Variants in R3HDM2 observed in about 807,000 individuals in gnomAD.
The protein encoded by R3HDM2 is R3H domain-containing protein 2.
R3HDM2 carries 38 observed loss-of-function variants against 124.5 expected under a neutral mutation model. That is an observed-to-expected ratio of 0.31 (90% confidence interval 0.24 to 0.40). R3HDM2 has a LOEUF of 0.40. Among genes scored for constraint, R3HDM2 ranks in the 10% least tolerant of loss-of-function variants. The pLI, the probability that R3HDM2 is intolerant of heterozygous loss-of-function variation, is 1.00. For missense variants in R3HDM2, 869 were observed against 1,236.9 expected, an observed-to-expected ratio of 0.70 and a Z score of 4.46; for synonymous variants, 391 against 448.0, an observed-to-expected ratio of 0.87 and a Z score of 1.61.
chr12:57,296,302 G>A lies in R3HDM2; in HGVS notation c.701+109C>T. 1 of 1,287,230 alleles carries A rather than the reference G, an allele frequency of 7.8e-7. No homozygotes were observed. The highest frequency in any genetic ancestry group is 1.1e-6 in the Non-Finnish European group (1 of 927,222). 79.7% of individuals were successfully genotyped at this position (1,287,230 alleles called of 1,614,324 possible). ...CAAAGTGCTGGGATTACAGGTGTGA[G>A]CCACCACGCCTGGCCATCTGCAAGA... is the stretch of plus-strand genomic sequence containing the variant. On this transcript the variant is annotated intron_variant, in intron 9 of 23. Coordinates refer to ENST00000402412, the MANE Select transcript of R3HDM2 (RefSeq NM_001394031.1). This position sits in a 1 kb window ranked among gnomAD's most constrained non-coding sequence, Gnocchi z 4.5.
At chr12:57,300,049 C>A in intron 5 of R3HDM2, 46 bp downstream of exon 5, 1 of 1,419,160 alleles carries the variant, frequency 7.0e-7, no homozygotes, top group Non-Finnish European at 9.7e-7. Context: ...TCTTACCAAA[C>A]AACTGCCAAG....
intron 2 of R3HDM2, among the ~76,000 whole-genome samples, chr12:57,384,672 G>A (rs1006486346): frequency 6.6e-5 from 10 of 152,154 alleles, no homozygotes; most frequent in Admixed American, 5.2e-4. Flanking sequence ...AGAGAGGTTA[G>A]TAGAAACAGG....
Position 57,258,929 on chromosome 12 carries a change from C to T in R3HDM2, c.2262G>A (p.Gln754=). The change falls in exon 20 of 24, where the codon CAG becomes CAA. Residue 754 remains glutamine, a synonymous_variant. Transcript: ENST00000402412. ...CKYYSMDQRG[Q]KPGDLYSPDS... Reference sequence around the variant, plus strand: ...CAGGACTGTACAGGTCTCCAGGCTTCTGCCCCCGCTGGTCCATGCTGTAGT... The same window carrying T: ...CAGGACTGTACAGGTCTCCAGGCTTTTGCCCCCGCTGGTCCATGCTGTAGT... 2 of 1,611,278 alleles carry T rather than the reference C, an allele frequency of 1.2e-6. No homozygotes were observed. Among genetic ancestry groups the T allele is most frequent in the Middle Eastern group, 2.1e-4 (1 of 4,710 alleles).
At chr12:57,392,989 A>G (rs2138735451) in intron 2 of R3HDM2, among the ~76,000 whole-genome samples, 1 of 151,932 alleles carries the variant, frequency 6.6e-6, no homozygotes, top group East Asian at 1.9e-4. Flanking sequence ...TATTTTTAGT[A>G]GAGACAGGGT....
At chr12:57,277,657 A>G (rs1222535758) in intron 14 of R3HDM2, among the ~76,000 whole-genome samples, 2 of 152,194 alleles carry the variant, frequency 1.3e-5, no homozygotes, top group East Asian at 3.8e-4. Flanking sequence ...CAGGTTGGCC[A>G]GGCTGGTCTC....
chr12:57,417,770 T>C (rs1555318473), intron 1 of R3HDM2, among the ~76,000 whole-genome samples: 1 of 152,170 alleles, frequency 6.6e-6, no homozygotes, highest in Non-Finnish European at 1.5e-5. Context: ...TGATGGGAAA[T>C]GTAGCTTACC....
chr12:57,255,119 A>C lies in R3HDM2; in HGVS notation c.2633-6T>G. The C allele has an allele frequency of 6.4e-7, 1 of 1,569,300 alleles. No homozygotes were observed. The highest frequency in any genetic ancestry group is 8.6e-7 in the Non-Finnish European group (1 of 1,156,642). ...CTCCAGCACCCGCCCCAGGACTGGA[A>C]GGGGAGGAGAGAGGACATGGTTGTG... On this transcript the variant is annotated splice_polypyrimidine_tract_variant and splice_region_variant and intron_variant, in intron 23 of 23. Transcript: ENST00000402412.
chr12:57,430,883 G>T lies in R3HDM2; in HGVS notation c.-269C>A, dbSNP rs1385236334. On this transcript the variant is annotated 5_prime_UTR_variant, in exon 1 of 24. Transcript: ENST00000402412. ...GGGGCCGAGGGCTGGGAAGCAGGGG[G>T]GACTGGGACGGGGGAGGGGAAAGGG... 3 of 148,414 alleles carry T rather than the reference G, an allele frequency of 2.0e-5. No individual in the cohort carries two copies. Among genetic ancestry groups the T allele is most frequent in the African/African-American group, 7.4e-5 (3 of 40,682 alleles). 9.2% of individuals were successfully genotyped at this position (148,414 alleles called of 1,614,324 possible). A position where few individuals can be genotyped will look rare whatever the true frequency, so the allele number is the denominator to read the frequency against.
intron 2 of R3HDM2, among the ~76,000 whole-genome samples, chr12:57,331,445 A>G (rs1289385489): frequency 6.6e-6 from 1 of 152,132 alleles, no homozygotes; most frequent in Non-Finnish European, 1.5e-5. Context: ...AATTTATTTT[A>G]CTATTTATCT....
chr12:57,403,156 G>C (rs1566493953), intron 1 of R3HDM2, among the ~76,000 whole-genome samples: 1 of 152,060 alleles, frequency 6.6e-6, no homozygotes, highest in East Asian at 1.9e-4. Context: ...AGGAGTTCGA[G>C]ACCAGTCTGA....
intron 2 of R3HDM2, among the ~76,000 whole-genome samples, chr12:57,370,255 G>A (rs774447399): frequency 1.3e-5 from 2 of 152,060 alleles, no homozygotes; most frequent in African/African-American, 2.4e-5. Flanking sequence ...TTGCACTCGC[G>A]AAGACATACA....
At chr12:57,409,627 A>C (rs532399306) in intron 1 of R3HDM2, among the ~76,000 whole-genome samples, 9 of 152,232 alleles carry the variant, frequency 5.9e-5, no homozygotes, top group African/African-American at 2.2e-4. Flanking sequence ...TTGAAGACCA[A>C]TTAAGACCAC....
intron 1 of R3HDM2, among the ~76,000 whole-genome samples, chr12:57,412,231 C>T (rs890562837): frequency 3.3e-5 from 5 of 152,032 alleles, no homozygotes; most frequent in African/African-American, 1.2e-4. Context: ...CAGATGAATG[C>T]AAGAAGCAGG....
intron 19 of R3HDM2, 72 bp downstream of exon 19, chr12:57,266,659 T>C (rs2042506562): frequency 2.4e-6 from 3 of 1,257,014 alleles, no homozygotes; most frequent in South Asian, 2.5e-5. Flanking sequence ...CCTTCCCAGC[T>C]CTAGAGCACA....
At chr12:57,355,513 TCTCTTTCC>T (rs1420197791) in intron 2 of R3HDM2, among the ~76,000 whole-genome samples, 1 of 150,880 alleles carries the variant, frequency 6.6e-6, no homozygotes, top group Non-Finnish European at 1.5e-5. Flanking sequence ...TAAAAAGTCA[TCTCTTTCC>T]CATTGAAATG....
chr12:57,282,474 T>G (rs2046384000), intron 13 of R3HDM2, among the ~76,000 whole-genome samples: 1 of 152,066 alleles, frequency 6.6e-6, no homozygotes, highest in Non-Finnish European at 1.5e-5. Context: ...AGTTTAGATC[T>G]GTTTTAGATT....
chr12:57,427,412 C>T (rs1017715038), intron 1 of R3HDM2, among the ~76,000 whole-genome samples: 1 of 150,102 alleles, frequency 6.7e-6, no homozygotes, highest in Non-Finnish European at 1.5e-5. Flanking sequence ...TGCAGTGGCA[C>T]GATCTCAGCT....
chr12:57,270,141 T>C (rs567420587), intron 14 of R3HDM2, 147 bp from the exon 15 acceptor site: 3 of 965,086 alleles, frequency 3.1e-6, no homozygotes, highest in Admixed American at 2.4e-5. Flanking sequence ...GTGCTATGAA[T>C]TGAATAGCTG....
Position 57,320,611 on chromosome 12 carries a change from G to C in R3HDM2, c.-35-10148C>G, listed in dbSNP as rs373644624. ...CACAGAGGGGACTGTGAGATGTCGGGGGAACAGGTGGGGCAGTGAAGAAAT... is the reference window on the plus strand; with the variant it reads ...CACAGAGGGGACTGTGAGATGTCGGCGGAACAGGTGGGGCAGTGAAGAAAT... On this transcript the variant is annotated intron_variant, in intron 2 of 23. Transcript: ENST00000402412. Among the ~76,000 whole-genome samples the C allele has an allele frequency of 6.6e-5, 10 of 152,222 alleles. No individual in the cohort carries two copies. The East Asian group carries it at 7.7e-4, about 12-fold the overall frequency.
Sources: allele counts gnomAD v4.1 joint callset (sites outside exome capture counted in the v4.1 genomes callset), GRCh38; gene constraint gnomAD v4.1.1; non-coding constraint Gnocchi (gnomAD v3.1); transcripts MANE v1.5; gene names NCBI Gene and HGNC (gene_info 2026-07-23, HGNC 2026-07-21).